Variants in CLASP2 observed in about 807,000 individuals in gnomAD.
The protein encoded by CLASP2 is CLIP-associating protein 2.
A neutral mutation model predicts 194.4 loss-of-function variants in CLASP2; 47 were observed. The ratio of observed to expected loss-of-function variants is 0.24; its 90% confidence interval spans 0.19 to 0.31. The LOEUF (loss-of-function observed/expected upper bound fraction) is 0.31, where lower values mean the gene tolerates loss of function less well. Ranked by LOEUF, CLASP2 falls within the 10% of genes least tolerant of loss-of-function variation. The pLI is 1.00. For synonymous variants in CLASP2, 619 were observed against 633.5 expected, an observed-to-expected ratio of 0.98 and a Z score of 0.34; for missense variants, 1,445 against 1,823.6, an observed-to-expected ratio of 0.79 and a Z score of 3.78.
At chr3:33,647,391 C>G (rs1306757691) in intron 7 of CLASP2, among the ~76,000 whole-genome samples, 1 of 152,148 alleles carries the variant, frequency 6.6e-6, no homozygotes, top group African/African-American at 2.4e-5. Context: ...CCCAAACCTA[C>G]TGAATCAGAA....
chr3:33,530,956 T>C (rs1052872480), intron 34 of CLASP2, among the ~76,000 whole-genome samples: 1 of 152,202 alleles, frequency 6.6e-6, no homozygotes, highest in Non-Finnish European at 1.5e-5. Context: ...CCAATGACAC[T>C]TTTTACAGAA....
At chr3:33,634,302 C>G (rs2079681440) in intron 8 of CLASP2, among the ~76,000 whole-genome samples, 1 of 152,144 alleles carries the variant, frequency 6.6e-6, no homozygotes, top group Non-Finnish European at 1.5e-5. Flanking sequence ...ATGAATAAAA[C>G]AAAACCATCA....
chr3:33,517,081 T>C lies in CLASP2; in HGVS notation c.3881A>G (p.Tyr1294Cys), dbSNP rs183373873. Residue 1294 changes from tyrosine to cysteine, a missense_variant, in exon 35 of 39, where the codon TAT (tyrosine) becomes TGT (cysteine). Physicochemically the swap from Tyr to Cys is radical, Grantham distance 194. Coordinates refer to ENST00000682230, the MANE Select transcript of CLASP2 (RefSeq NM_001365631.1). Reference protein sequence around the residue: ...ERVEERKIALYELMKLTQEES... With the variant: ...ERVEERKIALCELMKLTQEES... ...TTCCTGTGTCAGTTTCATAAGTTCATAGAGGGCAATTTTTCTTTCTTCTAC... is the reference window on the plus strand; with the variant it reads ...TTCCTGTGTCAGTTTCATAAGTTCACAGAGGGCAATTTTTCTTTCTTCTAC... 2.9e-4 allele frequency: 469 copies of C among 1,613,734 alleles called. 3 individuals are homozygous for C. In the East Asian group the frequency reaches 1.0e-2, roughly 34 times the overall value.
chr3:33,570,994 G>A (rs1432146474), intron 25 of CLASP2, among the ~76,000 whole-genome samples: 1 of 149,000 alleles, frequency 6.7e-6, no homozygotes, highest in Non-Finnish European at 1.5e-5. Flanking sequence ...TGGGCAAGAT[G>A]GCAAGATCCT....
chr3:33,645,244 C>T (rs572356607), intron 7 of CLASP2: 5 of 765,218 alleles, frequency 6.5e-6, no homozygotes, highest in Non-Finnish European at 7.2e-6. Flanking sequence ...TTCTAGCACG[C>T]CCTGCCTTAT....
chr3:33,667,169 T>C (rs1450274717), intron 6 of CLASP2, among the ~76,000 whole-genome samples: 2 of 152,048 alleles, frequency 1.3e-5, no homozygotes, highest in Non-Finnish European at 2.9e-5. Flanking sequence ...CCCAGCACTT[T>C]AGGAGGCCGA....
chr3:33,511,857 A>G (rs1261525999), intron 36 of CLASP2, among the ~76,000 whole-genome samples: 2 of 79,786 alleles, frequency 2.5e-5, no homozygotes, highest in Non-Finnish European at 4.9e-5. Context: ...CCACTATGAG[A>G]TATCATCTCA....
Position 33,604,114 on chromosome 3 carries a change from G to C in CLASP2, c.1750+40C>G, listed in dbSNP as rs561518829. On this transcript the variant is annotated intron_variant, in intron 17 of 38. Transcript: ENST00000682230. ...AGAGTTTGAAGGCTACTGTTTCAAA[G>C]ATAAAATAGGTTATAACTCTTATTT... 2.0e-4 allele frequency: 287 copies of C among 1,447,422 alleles called. 3 individuals carry two copies. The South Asian group carries it at 3.3e-3, about 16-fold the overall frequency. The allele number at this position is 1,447,422 out of a possible 1,614,324, so 89.7% of individuals were successfully genotyped here.
intron 33 of CLASP2, among the ~76,000 whole-genome samples, chr3:33,537,731 AAAAAC>A (rs953707434): frequency 1.8e-4 from 28 of 152,314 alleles, no homozygotes; most frequent in African/African-American, 4.8e-4. Context: ...ACATTATTAA[AAAAAC>A]AAAACAAAAC....
At chr3:33,584,397 C>T (rs1468747339) in intron 22 of CLASP2, among the ~76,000 whole-genome samples, 1 of 150,820 alleles carries the variant, frequency 6.6e-6, no homozygotes, top group African/African-American at 2.4e-5. Context: ...CTCAGCCACC[C>T]GAGTAGCTGG....
chr3:33,583,773 C>T (rs2066691004), intron 22 of CLASP2, among the ~76,000 whole-genome samples: 1 of 151,940 alleles, frequency 6.6e-6, no homozygotes, highest in African/African-American at 2.4e-5. Flanking sequence ...CTGCAAAAGA[C>T]TTAAAACAAT....
At chr3:33,711,576 C>A (rs919752284) in intron 1 of CLASP2, among the ~76,000 whole-genome samples, 1 of 151,290 alleles carries the variant, frequency 6.6e-6, no homozygotes, top group Non-Finnish European at 1.5e-5. Flanking sequence ...AGCATTTTAT[C>A]AAATAAGGAC....
chr3:33,511,054 A>G (rs2049610561), intron 36 of CLASP2, among the ~76,000 whole-genome samples: 1 of 132,334 alleles, frequency 7.6e-6, no homozygotes, highest in African/African-American at 2.9e-5. Context: ...TTTTTTTGAG[A>G]CAGGGTCTTG....
intron 6 of CLASP2, among the ~76,000 whole-genome samples, chr3:33,671,066 C>T (rs2087080913): frequency 6.6e-6 from 1 of 152,074 alleles, no homozygotes; most frequent in Non-Finnish European, 1.5e-5. Context: ...ATCCCGAACT[C>T]CAGTCTCCTA....
intron 21 of CLASP2, among the ~76,000 whole-genome samples, chr3:33,585,820 C>T (rs2154218680): frequency 6.6e-6 from 1 of 152,024 alleles, no homozygotes; most frequent in South Asian, 2.1e-4. Context: ...AAAAAAAACC[C>T]GGTAATTCTA....
chr3:33,713,012 C>CAAAAAAAAAAAAAAAAAAAA lies in CLASP2; in HGVS notation c.195+4776_195+4795dup, dbSNP rs57940200. Among the ~76,000 whole-genome samples the CAAAAAAAAAAAAAAAAAAAA allele has an allele frequency of 2.0e-3, 94 of 47,006 alleles. 1 individual carries two copies. Among genetic ancestry groups the CAAAAAAAAAAAAAAAAAAAA allele is most frequent in the Non-Finnish European group, 2.8e-3 (67 of 23,702 alleles). 30.8% of individuals were successfully genotyped at this position (47,006 alleles called of 152,430 possible). A position where few individuals can be genotyped will look rare whatever the true frequency, so the allele number is the denominator to read the frequency against. On this transcript the variant is annotated intron_variant, in intron 1 of 38. Transcript: ENST00000682230. ...GGGCGACAAGAGCAAAACTCCACCT[C>CAAAAAAAAAAAAAAAAAAAA]AAAAAAAAAAAAAAAAAAAAAAAAA...
At chr3:33,510,512 T>C (rs2049281) in intron 37 of CLASP2, 46 bp downstream of exon 37, 454,724 of 1,553,224 alleles carry the variant, frequency 0.29, 70,065 homozygotes, top group Admixed American at 0.54. Context: ...AATAACTGTA[T>C]CCCAAATGTA....
At chr3:33,592,780 G>A (rs944533009) in intron 20 of CLASP2, 1 of 384,994 alleles carries the variant, frequency 2.6e-6, no homozygotes, top group East Asian at 6.0e-5. Flanking sequence ...ATCACCATAA[G>A]CATGTCACTT....
chr3:33,630,356 A>C, intron 9 of CLASP2, among the ~76,000 whole-genome samples: 1 of 152,176 alleles, frequency 6.6e-6, no homozygotes, highest in East Asian at 1.9e-4. Context: ...CTGGGATTCA[A>C]ACCTAGGCAG....
Sources: gnomAD v4.1 joint callset for allele counts (sites outside exome capture counted in the v4.1 genomes callset) on GRCh38, gnomAD v4.1.1 for gene constraint, MANE v1.5 for transcripts, NCBI Gene and HGNC (gene_info 2026-07-23, HGNC 2026-07-21) for gene names.